AGMO: variants seen among roughly 807,000 people sequenced by gnomAD.
AGMO encodes the protein glyceryl-ether monooxygenase.
Under a neutral mutation model 60.2 loss-of-function variants are expected in AGMO, and 75 were observed. The observed-to-expected ratio is 1.25, with a 90% CI of 1.03 to 1.51. The LOEUF (loss-of-function observed/expected upper bound fraction) is 1.51, where lower values mean the gene tolerates loss of function less well. Ranked by LOEUF, AGMO falls within the 40% of genes most tolerant of loss-of-function variation. The pLI is 0.00. For missense variants in AGMO, 763 were observed against 525.5 expected (o/e 1.45, Z -4.42); for synonymous variants, 261 against 177.1 (o/e 1.47, Z -3.76).
chr7:15,415,124 T>G (rs1362968352), intron 5 of AGMO, among the ~76,000 whole-genome samples: 1 of 151,920 alleles, frequency 6.6e-6, no homozygotes, highest in Non-Finnish European at 1.5e-5. Context: ...ACTTCAAAAT[T>G]TAATATTTCT....
chr7:15,363,000 C>T (rs1782824132), intron 12 of AGMO, among the ~76,000 whole-genome samples: 2 of 152,054 alleles, frequency 1.3e-5, no homozygotes, highest in African/African-American at 4.8e-5. Flanking sequence ...TGTGTACACC[C>T]CTCAATATTC....
the AGMO span, among the ~76,000 whole-genome samples, chr7:15,186,765 TTTCA>T: frequency 2.6e-5 from 4 of 152,226 alleles, no homozygotes; most frequent in African/African-American, 9.6e-5. Flanking sequence ...CCCAGTTTTC[TTTCA>T]TTGTCTGCCG....
At chr7:15,258,982 T>C (rs923502799) in intron 12 of AGMO, among the ~76,000 whole-genome samples, 2 of 152,032 alleles carry the variant, frequency 1.3e-5, no homozygotes, top group Admixed American at 1.3e-4. Context: ...ACAATTCTGG[T>C]AATATGACAA....
chr7:15,142,088 G>A, the AGMO span, among the ~76,000 whole-genome samples: 1 of 152,112 alleles, frequency 6.6e-6, no homozygotes, highest in African/African-American at 2.4e-5. Flanking sequence ...CAGTATCAAG[G>A]TCGAGATCTG....
chr7:15,170,458 G>A, the AGMO span, among the ~76,000 whole-genome samples: 5 of 152,038 alleles, frequency 3.3e-5, no homozygotes, highest in Admixed American at 1.3e-4. Flanking sequence ...AATAACCAAG[G>A]TTAGCATATT....
intron 10 of AGMO, among the ~76,000 whole-genome samples, chr7:15,368,053 A>G (rs1783053108): frequency 6.6e-6 from 1 of 152,036 alleles, no homozygotes; most frequent in South Asian, 2.1e-4. Flanking sequence ...AATTGTCAAG[A>G]GATTTTAAAC....
At chr7:15,136,726 G>A in the AGMO span, among the ~76,000 whole-genome samples, 5 of 151,688 alleles carry the variant, frequency 3.3e-5, no homozygotes, top group East Asian at 1.9e-4. Flanking sequence ...TAATAGGACC[G>A]CCTTTATTGT....
In AGMO at chr7:15,431,048, G is replaced by A. The variant is rs756029871; in HGVS notation, c.470C>T (p.Ser157Phe). 1 of 1,611,070 alleles carries A rather than the reference G, an allele frequency of 6.2e-7. No homozygotes were observed. Among genetic ancestry groups the A allele is most frequent in the Non-Finnish European group, 8.5e-7 (1 of 1,178,088 alleles). The change falls in exon 4 of 13, where the codon TCC becomes TTC. Residue 157 changes from serine (S) to phenylalanine (F), a missense_variant. Ser to Phe is a radical substitution (Grantham distance 155). Coordinates refer to ENST00000342526, the MANE Select transcript of AGMO (RefSeq NM_001004320.2). The part of the protein sequence containing the change: ...THHSSEDYNL[S>F]TALRQSVLQI... ...GAGGACAGACTGTCTCAGTGCTGTG[G>A]ATAAGTTATAGTCTTCAGAACTATG...
intron 2 of AGMO, among the ~76,000 whole-genome samples, chr7:15,558,812 T>A (rs1309904032): frequency 3.3e-5 from 5 of 152,122 alleles, no homozygotes; most frequent in Non-Finnish European, 7.4e-5. Flanking sequence ...TCCACCTTTT[T>A]TAGATATTTA....
intron 3 of AGMO, among the ~76,000 whole-genome samples, chr7:15,469,865 G>A (rs967212798): frequency 2.0e-5 from 3 of 152,050 alleles, no homozygotes; most frequent in African/African-American, 7.2e-5. Context: ...AGGATAGAGA[G>A]AGCAGGTGAA....
At chr7:15,529,630 TAGA>T (rs1380410224) in intron 3 of AGMO, among the ~76,000 whole-genome samples, 2 of 29,414 alleles carry the variant, frequency 6.8e-5, no homozygotes, top group African/African-American at 4.0e-4. Flanking sequence ...AATATATATA[TAGA>T]ATATATATAT....
At chr7:15,317,184 A>G (rs371994790) in intron 12 of AGMO, among the ~76,000 whole-genome samples, 31 of 152,284 alleles carry the variant, frequency 2.0e-4, no homozygotes, top group Middle Eastern at 3.4e-3. Flanking sequence ...TCAAGGAAAC[A>G]TTTCAGTACA....
At chr7:15,381,481 A>G (rs1783683060) in intron 10 of AGMO, among the ~76,000 whole-genome samples, 1 of 152,158 alleles carries the variant, frequency 6.6e-6, no homozygotes, top group Admixed American at 6.6e-5. Flanking sequence ...ATGGTGTACC[A>G]TCTCCCACCA....
intron 12 of AGMO, among the ~76,000 whole-genome samples, chr7:15,313,991 T>C (rs968062766): frequency 2.6e-5 from 4 of 151,792 alleles, no homozygotes; most frequent in Non-Finnish European, 4.4e-5. Context: ...GGTGATGTAG[T>C]GTTAGGCTAA....
chr7:15,432,328 GTATA>G (rs139554246), intron 3 of AGMO, among the ~76,000 whole-genome samples: 1 of 75,456 alleles, frequency 1.3e-5, no homozygotes, highest in Non-Finnish European at 2.8e-5. Context: ...GTGTATATAT[GTATA>G]TATATATATA....
At chr7:15,498,609 T>G (rs1241318409) in intron 3 of AGMO, among the ~76,000 whole-genome samples, 1 of 151,992 alleles carries the variant, frequency 6.6e-6, no homozygotes. Context: ...ATGGATGCAC[T>G]GACCAAATCA....
chr7:15,373,277 CAAAA>C (rs780500529), intron 10 of AGMO, among the ~76,000 whole-genome samples: 1 of 138,100 alleles, frequency 7.2e-6, no homozygotes, highest in South Asian at 2.3e-4. Flanking sequence ...TATTCTGTCT[CAAAA>C]AAAAAAAAAA....
chr7:15,220,749 C>G (rs1781894239), intron 12 of AGMO, among the ~76,000 whole-genome samples: 1 of 151,852 alleles, frequency 6.6e-6, no homozygotes, highest in African/African-American at 2.4e-5. Context: ...AAGCCCAGAA[C>G]TGGAAATTGG....
intron 2 of AGMO, among the ~76,000 whole-genome samples, chr7:15,556,061 T>A (rs956902380): frequency 1.6e-4 from 24 of 151,954 alleles, no homozygotes; most frequent in African/African-American, 5.6e-4. Flanking sequence ...CCCAAAATTA[T>A]ATACATTCAT....
Sources: gnomAD v4.1 joint callset for allele counts (sites outside exome capture counted in the v4.1 genomes callset) on GRCh38, gnomAD v4.1.1 for gene constraint, MANE v1.5 for transcripts, NCBI Gene and HGNC (gene_info 2026-07-23, HGNC 2026-07-21) for gene names.